Variants in CFAP77 observed in about 807,000 individuals in gnomAD.
CFAP77 encodes the protein cilia- and flagella-associated protein 77.
CFAP77 carries 25 observed loss-of-function variants against 31.1 expected under a neutral mutation model. The ratio of observed to expected loss-of-function variants is 0.80; its 90% CI spans 0.59 to 1.12. The LOEUF is 1.12. CFAP77 is among the 50% of genes most tolerant of loss of function. The pLI is 0.00. For missense variants in CFAP77, 377 were observed against 397.3 expected (o/e 0.95, Z 0.44); for synonymous variants, 151 against 159.9 (o/e 0.94, Z 0.42).
At chr9:132,410,788 CCA>C (rs1326712055) in intron 1 of CFAP77, among the ~76,000 whole-genome samples, 7 of 152,330 alleles carry the variant, frequency 4.6e-5, no homozygotes, top group African/African-American at 1.4e-4. Context: ...CTGTGGTTTC[CCA>C]CAGAGTGAAC....
chr9:132,446,388 C>T (rs990640306), intron 1 of CFAP77, among the ~76,000 whole-genome samples: 3 of 151,932 alleles, frequency 2.0e-5, no homozygotes, highest in Admixed American at 1.3e-4. Context: ...AATGAAGCCC[C>T]GATAGATCGC....
At chr9:132,431,619 G>T (rs947224085) in intron 1 of CFAP77, among the ~76,000 whole-genome samples, 6 of 152,156 alleles carry the variant, frequency 3.9e-5, no homozygotes, top group Admixed American at 3.9e-4. Context: ...GCAGAATCTA[G>T]ATAACAGATG....
chr9:132,504,384 G>C (rs556137799), intron 3 of CFAP77, among the ~76,000 whole-genome samples: 55 of 152,368 alleles, frequency 3.6e-4, no homozygotes, highest in Non-Finnish European at 6.9e-4. Flanking sequence ...TTAAATTGCT[G>C]TAAAACCAAG....
chr9:132,523,801 T>C (rs1175056789), intron 3 of CFAP77, among the ~76,000 whole-genome samples: 4 of 152,154 alleles, frequency 2.6e-5, no homozygotes, highest in Non-Finnish European at 4.4e-5. Flanking sequence ...CCCAATTTCA[T>C]TGGAAGATGA....
At chr9:132,516,211 A>AT (rs1167532633) in intron 3 of CFAP77, among the ~76,000 whole-genome samples, 1 of 152,166 alleles carries the variant, frequency 6.6e-6, no homozygotes, top group African/African-American at 2.4e-5. Flanking sequence ...TTTTTAAAAA[A>AT]ATATATATTG....
chr9:132,556,071 C>G (rs1055063758), intron 5 of CFAP77, among the ~76,000 whole-genome samples: 1 of 152,136 alleles, frequency 6.6e-6, no homozygotes, highest in African/African-American at 2.4e-5. Flanking sequence ...AATATTGATA[C>G]AAGCGCCCTC....
In CFAP77 at chr9:132,410,470, A is replaced by C; in HGVS notation, c.195+4A>C. 6.4e-7 allele frequency: 1 copy of C among 1,572,692 alleles called. No individual in the cohort carries two copies. Among genetic ancestry groups the C allele is most frequent in the Non-Finnish European group, 8.6e-7 (1 of 1,163,162 alleles). ...TCAGAACCCTCTCATCGTCAAGGTG[A>C]GCACCCCACGCCCACCGCGCTTTCG... On this transcript the variant is annotated splice_donor_region_variant and intron_variant, in intron 1 of 5. Transcript: ENST00000393216.
chr9:132,436,079 G>A (rs1322757322), intron 1 of CFAP77, among the ~76,000 whole-genome samples: 1 of 152,108 alleles, frequency 6.6e-6, no homozygotes, highest in Non-Finnish European at 1.5e-5. Context: ...TCATTTCCAT[G>A]GCTGCCATCG....
chr9:132,547,233 C>A (rs1440388177), intron 5 of CFAP77, among the ~76,000 whole-genome samples: 1 of 152,192 alleles, frequency 6.6e-6, no homozygotes, highest in Non-Finnish European at 1.5e-5. Context: ...ACTCCAGGGA[C>A]AGCCAGACGG....
At chr9:132,415,196 G>A (rs1161645581) in intron 1 of CFAP77, among the ~76,000 whole-genome samples, 2 of 152,192 alleles carry the variant, frequency 1.3e-5, no homozygotes, top group Non-Finnish European at 2.9e-5. Flanking sequence ...CCATCTTGGA[G>A]GGCCAGTGGG....
At chr9:132,451,796 CTTT>C (rs1327473693) in intron 1 of CFAP77, among the ~76,000 whole-genome samples, 2 of 150,220 alleles carry the variant, frequency 1.3e-5, no homozygotes, top group African/African-American at 4.9e-5. Flanking sequence ...TTTCTTTTTT[CTTT>C]TTCTTTTCTT....
chr9:132,504,606 T>C (rs1462039059), intron 3 of CFAP77, among the ~76,000 whole-genome samples: 2 of 152,268 alleles, frequency 1.3e-5, no homozygotes, highest in African/African-American at 4.8e-5. Flanking sequence ...TTTATCTTTA[T>C]CAACAGCAGC....
At position 132,473,155 on chromosome 9, in the gene CFAP77, C is replaced by G. The variant is rs188961725; in HGVS notation, c.196-25540C>G. ...TTTTTAACAAACAGCTTCCAAGAAA[C>G]TAACAGAGTGAGAACTCGTTCACCC... On this transcript the variant is annotated intron_variant, in intron 1 of 5. Transcript: ENST00000393216. Among the ~76,000 whole-genome samples, 398 of 152,186 alleles carry G rather than the reference C, an allele frequency of 2.6e-3. 1 individual carries two copies. Among genetic ancestry groups the G allele is most frequent in the African/African-American group, 9.3e-3 (387 of 41,484 alleles).
intron 3 of CFAP77, among the ~76,000 whole-genome samples, chr9:132,535,640 G>A (rs1462743942): frequency 6.6e-6 from 1 of 152,070 alleles, no homozygotes; most frequent in Non-Finnish European, 1.5e-5. Flanking sequence ...TTGAACCTGG[G>A]AGGCAAGGTT....
intron 1 of CFAP77, among the ~76,000 whole-genome samples, chr9:132,448,885 C>T (rs1040125444): frequency 2.6e-5 from 4 of 152,162 alleles, no homozygotes; most frequent in African/African-American, 9.7e-5. Flanking sequence ...CCATGCCTGC[C>T]TGAAGCCTCT....
rs533390000 is a variant in CFAP77, at chr9:132,561,802, C to G, written c.733-10586C>G. On this transcript the variant is annotated intron_variant, in intron 5 of 5. Transcript: ENST00000393216. ...CAGGGCTGTGGCTGCCTGAACCCCC[C>G]ACCTGTGGCAGAGGCGTCGGGTGGA... Among the ~76,000 whole-genome samples, 677 of 152,302 alleles carry G rather than the reference C, an allele frequency of 4.4e-3. 1 individual carries two copies. Among genetic ancestry groups the G allele is most frequent in the Non-Finnish European group, 8.2e-3 (557 of 68,026 alleles).
chr9:132,551,587 C>T (rs959483006), intron 5 of CFAP77, among the ~76,000 whole-genome samples: 2 of 152,196 alleles, frequency 1.3e-5, no homozygotes, highest in African/African-American at 2.4e-5. Flanking sequence ...TGAGCCACCA[C>T]GCCCGGCCCA....
At chr9:132,549,683 C>A (rs902057720) in intron 5 of CFAP77, among the ~76,000 whole-genome samples, 1 of 151,916 alleles carries the variant, frequency 6.6e-6, no homozygotes, top group Non-Finnish European at 1.5e-5. Context: ...ACTAAAAATG[C>A]AAAAATTAGC....
At chr9:132,427,771 G>A (rs981377975) in intron 1 of CFAP77, among the ~76,000 whole-genome samples, 3 of 152,202 alleles carry the variant, frequency 2.0e-5, no homozygotes, top group Non-Finnish European at 4.4e-5. Flanking sequence ...CATTCTGCCT[G>A]TAAAGGTGTC....
Sources: allele counts gnomAD v4.1 joint callset (sites outside exome capture counted in the v4.1 genomes callset), GRCh38; gene constraint gnomAD v4.1.1; transcripts MANE v1.5; gene names NCBI Gene and HGNC (gene_info 2026-07-23, HGNC 2026-07-21).